The following TMEM260 variants were observed in gnomAD, a reference collection of about 807,000 sequenced individuals.
TMEM260 encodes the protein transmembrane protein 260.
Under a neutral mutation model 88.9 loss-of-function variants are expected in TMEM260, and 82 were observed. The ratio of observed to expected loss-of-function variants is 0.92; its 90% CI spans 0.77 to 1.11. The LOEUF (loss-of-function observed/expected upper bound fraction) is 1.11, where lower values mean the gene tolerates loss of function less well. TMEM260 is among the 50% of genes least tolerant of loss of function. The pLI is 0.00. For synonymous variants in TMEM260, 314 were observed against 309.3 expected (o/e 1.02, Z -0.16); for missense variants, 902 against 853.4 (o/e 1.06, Z -0.71).
chr14:56,621,685 T>C lies in TMEM260; in HGVS notation c.1381T>C (p.Ser461Pro). The change falls in exon 11 of 16, where the codon TCA becomes CCA. Residue 461 changes from serine to proline, a missense_variant. Ser to Pro is a moderately conservative substitution (Grantham distance 74). Coordinates refer to ENST00000261556, the MANE Select transcript of TMEM260 (RefSeq NM_017799.4). ...HYCEGLRPDI[S>P]LVDQEMMTYE... ...CTGTGAGGGGTTGAGGCCTGACATT[T>C]CATTAGTGGATCAGGAAGTAAGTAT... 1 of 1,609,136 alleles carries C rather than the reference T, an allele frequency of 6.2e-7. No individual in the cohort carries two copies. Among genetic ancestry groups the C allele is most frequent in the Non-Finnish European group, 8.5e-7 (1 of 1,178,560 alleles).
At chr14:56,605,483 G>A in intron 4 of TMEM260, 87 bp from the exon 5 acceptor site, 1 of 599,438 alleles carries the variant, frequency 1.7e-6, no homozygotes, top group South Asian at 3.3e-5. Flanking sequence ...ACGAATGCTT[G>A]GTTTTAATAT....
At chr14:56,594,239 A>G (rs1886071862) in intron 3 of TMEM260, among the ~76,000 whole-genome samples, 1 of 151,478 alleles carries the variant, frequency 6.6e-6, no homozygotes. Context: ...AGTGTTCTCA[A>G]GTTAAAATAG....
At chr14:56,659,722 G>A in the TMEM260 span, among the ~76,000 whole-genome samples, 2 of 152,234 alleles carry the variant, frequency 1.3e-5, no homozygotes, top group Non-Finnish European at 2.9e-5. Flanking sequence ...AGGGAGTGGA[G>A]GCGAAGCACC....
Position 56,633,080 on chromosome 14 carries a change from G to A in TMEM260, c.1633G>A (p.Asp545Asn). ...NYSLWPWGSCDKLVPLEIVFN... is the reference protein window; with the variant it reads ...NYSLWPWGSCNKLVPLEIVFN... The stretch of plus-strand genomic sequence containing the variant: ...TTCACTTTGGCCATGGGGGTCTTGT[G>A]ACAAATTAGTTCCTTTGGAGATTGT... Residue 545 changes from aspartate to asparagine, a missense_variant, in exon 13 of 16, where the codon GAC becomes AAC. Physicochemically the swap from Asp to Asn is conservative, Grantham distance 23. Transcript: ENST00000261556. 1 of 1,613,962 alleles carries A rather than the reference G, an allele frequency of 6.2e-7. No homozygotes were observed. The highest frequency in any genetic ancestry group is 8.5e-7 in the Non-Finnish European group (1 of 1,179,942).
At chr14:56,580,736 C>T (rs1373046413) in intron 1 of TMEM260, among the ~76,000 whole-genome samples, 2 of 152,214 alleles carry the variant, frequency 1.3e-5, no homozygotes, top group Admixed American at 6.5e-5. Flanking sequence ...AAGCATGACT[C>T]ATTGGCCCTT....
rs764574288 is a variant in TMEM260 at position 56,596,784 on chromosome 14, T to TAAAAAA, written c.345-7025_345-7020dup. On this transcript the variant is annotated intron_variant, in intron 3 of 15. Transcript: ENST00000261556. ...CTCTGTCTCAAAAAAAAAAAAAAAT[T>TAAAAAA]AAAAAAAAAAATATATATATATACA... Among the ~76,000 whole-genome samples the TAAAAAA allele has an allele frequency of 1.4e-3, 158 of 114,242 alleles. No homozygotes were observed. The South Asian group carries it at 0.018, about 13-fold the overall frequency. The allele number at this position is 114,242 out of a possible 152,430, so 74.9% of individuals were successfully genotyped here. A position where few individuals can be genotyped will look rare whatever the true frequency, so the allele number is the denominator to read the frequency against.
rs34268894 is a variant in TMEM260 at position 56,593,677 on chromosome 14, C to CTTTTTTTTTTTTTTTTT, written c.344+7777_344+7793dup. Among the ~76,000 whole-genome samples the CTTTTTTTTTTTTTTTTT allele has an allele frequency of 3.1e-5, 2 of 63,506 alleles. 1 individual carries two copies. Among genetic ancestry groups the CTTTTTTTTTTTTTTTTT allele is most frequent in the African/African-American group, 1.1e-4 (2 of 18,612 alleles). The allele number at this position is 63,506 out of a possible 152,430, so 41.7% of individuals were successfully genotyped here. A position where few individuals can be genotyped will look rare whatever the true frequency, so the allele number is the denominator to read the frequency against. On this transcript the variant is annotated intron_variant, in intron 3 of 15. Coordinates refer to ENST00000261556, the MANE Select transcript of TMEM260 (RefSeq NM_017799.4). ...ATTATTGGTATTGACAGGTGAGTGT[C>CTTTTTTTTTTTTTTTTT]TTTTTTTTTTTTTTTTTTTTTTTTT... is the stretch of plus-strand genomic sequence containing the variant.
At position 56,618,737 on chromosome 14, in the gene TMEM260, A is replaced by ATTTACCAAATAT; in HGVS notation, c.1200_1201insTTTACCAAATAT (p.Val400_Val401insPheThrLysTyr). The ATTTACCAAATAT allele has an allele frequency of 6.2e-7, 1 of 1,614,180 alleles. No individual in the cohort carries two copies. Among genetic ancestry groups the ATTTACCAAATAT allele is most frequent in the Non-Finnish European group, 8.5e-7 (1 of 1,180,030 alleles). ...AATGGCTTTCTGCAACTCTTTTTGT[A>ATTTACCAAATAT]GTTTACCAAATATATTCTAATTACA... On this transcript the variant is annotated inframe_insertion, in exon 10 of 16. Coordinates refer to ENST00000261556, the MANE Select transcript of TMEM260 (RefSeq NM_017799.4).
chr14:56,579,808 C>T lies in TMEM260; in HGVS notation c.-107C>T. On this transcript the variant is annotated 5_prime_UTR_variant, in exon 1 of 16. Coordinates refer to ENST00000261556, the MANE Select transcript of TMEM260 (RefSeq NM_017799.4). ...AACCCGCGGAGGCTCGACCCGGAAG[C>T]CGCCGTGGCCGCCGCACAAGCTGCG... 2.7e-6 allele frequency: 3 copies of T among 1,123,244 alleles called. No individual in the cohort carries two copies. The highest frequency in any genetic ancestry group is 3.4e-6 in the Non-Finnish European group (3 of 889,924). The allele number at this position is 1,123,244 out of a possible 1,614,324, so 69.6% of individuals were successfully genotyped here. A position where few individuals can be genotyped will look rare whatever the true frequency, so the allele number is the denominator to read the frequency against.
rs1884977834 is a variant in TMEM260, at chr14:56,579,822, G to A, written c.-93G>A. On this transcript the variant is annotated 5_prime_UTR_variant, in exon 1 of 16. Transcript: ENST00000261556. ...CGACCCGGAAGCCGCCGTGGCCGCC[G>A]CACAAGCTGCGCTCGTCTCTCGGCT... is the stretch of plus-strand genomic sequence containing the variant. 1.7e-6 allele frequency: 2 copies of A among 1,183,944 alleles called. No individual in the cohort carries two copies. Among genetic ancestry groups the A allele is most frequent in the Non-Finnish European group, 1.1e-6 (1 of 944,932 alleles). 73.3% of individuals were successfully genotyped at this position (1,183,944 alleles called of 1,614,324 possible).
At chr14:56,647,200 C>T in intron 15 of TMEM260, 43 bp from the exon 16 acceptor site, 14 of 1,512,226 alleles carry the variant, frequency 9.3e-6, no homozygotes, top group South Asian at 2.6e-5. Context: ...AAAAAAAAGT[C>T]AAAGAATAAC....
At chr14:56,652,779 T>G (rs1432216314), downstream of TMEM260, among the ~76,000 whole-genome samples, 1 of 152,190 alleles carries the variant, frequency 6.6e-6, no homozygotes, top group Non-Finnish European at 1.5e-5. Context: ...TCCCCTAAAA[T>G]TATAGCATAT....
chr14:56,631,872 G>A (rs573924612), intron 12 of TMEM260, among the ~76,000 whole-genome samples: 246 of 152,264 alleles, frequency 1.6e-3, no homozygotes, highest in African/African-American at 5.7e-3. Context: ...TGCTGTCTGT[G>A]ACCAGTTACT....
chr14:56,644,810 A>C, intron 15 of TMEM260, among the ~76,000 whole-genome samples: 1 of 152,308 alleles, frequency 6.6e-6, no homozygotes, highest in South Asian at 2.1e-4. Context: ...AAGAAAAAAA[A>C]CAACCCCATC....
At position 56,631,491 on chromosome 14, in the gene TMEM260, T is replaced by C. The variant is rs143555183; in HGVS notation, c.1548-1504T>C. ...TACAAAATTTAGCCAGGCATGGTGG[T>C]GCGTGCCTGTAATCCCAGCTACTCC... On this transcript the variant is annotated intron_variant, in intron 12 of 15. Coordinates refer to ENST00000261556, the MANE Select transcript of TMEM260 (RefSeq NM_017799.4). 9.6e-3 allele frequency among the ~76,000 whole-genome samples: 1,454 copies of C among 152,048 alleles called. 45 individuals carry two copies. The East Asian group carries it at 0.099, about 10-fold the overall frequency.
intron 1 of TMEM260, among the ~76,000 whole-genome samples, chr14:56,582,697 T>C (rs1041597923): frequency 6.6e-6 from 1 of 152,186 alleles, no homozygotes; most frequent in African/African-American, 2.4e-5. Flanking sequence ...TTAATTCTGA[T>C]GCAGGTAGAC....
At chr14:56,605,511 A>T in intron 4 of TMEM260, 59 bp from the exon 5 acceptor site, 1 of 938,850 alleles carries the variant, frequency 1.1e-6, no homozygotes, top group Non-Finnish European at 1.6e-6. Flanking sequence ...GCTTTTTATT[A>T]TGTTCTTAGA....
chr14:56,638,704 T>G (rs1889322553), intron 15 of TMEM260, among the ~76,000 whole-genome samples: 2 of 152,168 alleles, frequency 1.3e-5, no homozygotes, highest in Admixed American at 1.3e-4. Flanking sequence ...TCAAGAATGT[T>G]CTTCTTAGGT....
At chr14:56,659,069 T>C in the TMEM260 span, among the ~76,000 whole-genome samples, 1 of 152,236 alleles carries the variant, frequency 6.6e-6, no homozygotes. Flanking sequence ...AATCTGAATT[T>C]AAATCTATAG....
Sources: allele counts gnomAD v4.1 joint callset (sites outside exome capture counted in the v4.1 genomes callset), GRCh38; gene constraint gnomAD v4.1.1; transcripts MANE v1.5; gene names NCBI Gene and HGNC (gene_info 2026-07-23, HGNC 2026-07-21).